The following FAM107B variants were observed in gnomAD, a reference collection of about 807,000 sequenced individuals.
FAM107B encodes the protein family with sequence similarity 107 member B, also known as protein FAM107B.
FAM107B carries 21 observed loss-of-function variants against 31.5 expected under a neutral mutation model. The ratio of observed to expected loss-of-function variants is 0.67; its 90% confidence interval spans 0.47 to 0.96. FAM107B has a LOEUF of 0.96. Ranked by LOEUF, FAM107B falls within the 40% of genes least tolerant of loss-of-function variation. The pLI, the probability that FAM107B is intolerant of heterozygous loss-of-function variation, is 0.00. For synonymous variants in FAM107B, 157 were observed against 141.5 expected (o/e 1.11, Z -0.78); for missense variants, 452 against 377.1 (o/e 1.20, Z -1.64).
chr10:14,711,267 A>G (rs1350039277), intron 1 of FAM107B, among the ~76,000 whole-genome samples: 1 of 152,202 alleles, frequency 6.6e-6, no homozygotes, highest in East Asian at 1.9e-4. Flanking sequence ...TAAAGGCTAC[A>G]GTAGTATGCA....
At chr10:14,612,041 G>A (rs1852740301) in intron 2 of FAM107B, among the ~76,000 whole-genome samples, 1 of 151,996 alleles carries the variant, frequency 6.6e-6, no homozygotes. Flanking sequence ...AAAAGTTCCA[G>A]CTTTAGTTGT....
chr10:14,773,659 T>TA (rs1833354884), intron 1 of FAM107B, among the ~76,000 whole-genome samples: 1 of 151,978 alleles, frequency 6.6e-6, no homozygotes, highest in African/African-American at 2.4e-5. Context: ...CCATTTTTTT[T>TA]AAATAACTTC....
chr10:14,550,667 C>T (rs558730863), intron 2 of FAM107B, among the ~76,000 whole-genome samples: 2 of 152,296 alleles, frequency 1.3e-5, no homozygotes, highest in East Asian at 1.9e-4. Flanking sequence ...AGTTGTCATG[C>T]TTTCATTTCT....
chr10:14,761,397 T>C (rs1418821814), intron 1 of FAM107B, among the ~76,000 whole-genome samples: 1 of 152,166 alleles, frequency 6.6e-6, no homozygotes, highest in Non-Finnish European at 1.5e-5. Context: ...AAAGTACCCA[T>C]ACAGTTATAC....
At chr10:14,644,035 G>T (rs1853695407) in intron 2 of FAM107B, among the ~76,000 whole-genome samples, 1 of 152,176 alleles carries the variant, frequency 6.6e-6, no homozygotes, top group African/African-American at 2.4e-5. Context: ...AATGATACCA[G>T]TAATGAGAAG....
At chr10:14,649,000 T>C (rs1853834107) in intron 2 of FAM107B, among the ~76,000 whole-genome samples, 1 of 152,224 alleles carries the variant, frequency 6.6e-6, no homozygotes, top group South Asian at 2.1e-4. Flanking sequence ...ATGGTAGGTT[T>C]CATTCGTAAG....
intron 1 of FAM107B, among the ~76,000 whole-genome samples, chr10:14,767,089 GAGAGAGAGAGAC>G (rs1245055692): frequency 8.9e-5 from 10 of 112,534 alleles, no homozygotes; most frequent in South Asian, 2.9e-4. Flanking sequence ...GAGAGAGAGA[GAGAGAGAGAGAC>G]AGAGAGAGAG....
At position 14,714,709 on chromosome 10, in the gene FAM107B, A is replaced by G. The variant is rs546350029; in HGVS notation, c.412-47018T>C. On this transcript the variant is annotated intron_variant, in intron 1 of 4. Coordinates refer to ENST00000181796, the MANE Select transcript of FAM107B (RefSeq NM_031453.4). ...ACCTGAAAAACTGAGCACTCTTCCA[A>G]AGAAACTGCCCTAAAAGGGATGACT... 5.9e-5 allele frequency among the ~76,000 whole-genome samples: 9 copies of G among 152,334 alleles called. No individual in the cohort carries two copies. The South Asian group carries it at 1.5e-3, about 25-fold the overall frequency.
rs114659976 is a variant in FAM107B at position 14,734,639 on chromosome 10, G to T, written c.411+39614C>A. ...ACCAGTGATTACTAAGAATGAGCAG[G>T]ACCTGTGCTCCAGAACTTAGGGCAC... On this transcript the variant is annotated intron_variant, in intron 1 of 4. Transcript: ENST00000181796. Among the ~76,000 whole-genome samples, 1,234 of 152,164 alleles carry T rather than the reference G, an allele frequency of 8.1e-3. 14 individuals are homozygous for T. The highest frequency in any genetic ancestry group is 0.027 in the African/African-American group (1,126 of 41,488).
chr10:14,569,726 T>C (rs1038584612), intron 2 of FAM107B, among the ~76,000 whole-genome samples: 3 of 152,144 alleles, frequency 2.0e-5, no homozygotes, highest in Non-Finnish European at 2.9e-5. Flanking sequence ...AAACCAAGGT[T>C]CCTCTGTCTC....
intron 2 of FAM107B, among the ~76,000 whole-genome samples, chr10:14,539,413 TC>T (rs1221434187): frequency 2.0e-5 from 3 of 152,100 alleles, no homozygotes; most frequent in Admixed American, 2.0e-4. Flanking sequence ...GCCTTGTACC[TC>T]CCCAAAGTCT....
At chr10:14,587,955 T>C (rs1851896638) in intron 2 of FAM107B, among the ~76,000 whole-genome samples, 1 of 152,108 alleles carries the variant, frequency 6.6e-6, no homozygotes. Flanking sequence ...CATGGGACAA[T>C]TACCAGTGTG....
chr10:14,771,344 T>C (rs1285600819), intron 1 of FAM107B, among the ~76,000 whole-genome samples: 5 of 152,218 alleles, frequency 3.3e-5, no homozygotes, highest in Non-Finnish European at 5.9e-5. Flanking sequence ...AGTTATTGAA[T>C]ATCATTAAGA....
chr10:14,761,003 C>T (rs1381706268), intron 1 of FAM107B, among the ~76,000 whole-genome samples: 3 of 110,554 alleles, frequency 2.7e-5, no homozygotes, highest in African/African-American at 1.3e-4. Flanking sequence ...CAGAGCAAGA[C>T]TCCGTTTCAA....
Position 14,519,307 on chromosome 10 carries a change from G to A in FAM107B, c.*1883C>T, listed in dbSNP as rs1279344450. ...GATTTCAAGATCTGACATCTAGTTA[G>A]ATAAAAAGATATGAGCCAGTCCCGA... On this transcript the variant is annotated 3_prime_UTR_variant, in exon 5 of 5. Transcript: ENST00000181796. The A allele has an allele frequency of 6.6e-6, 1 of 152,012 alleles. No individual in the cohort carries two copies. The highest frequency in any genetic ancestry group is 2.4e-5 in the African/African-American group (1 of 41,394). 9.4% of individuals were successfully genotyped at this position (152,012 alleles called of 1,614,324 possible). A position where few individuals can be genotyped will look rare whatever the true frequency, so the allele number is the denominator to read the frequency against.
At chr10:14,646,035 G>A (rs1174670005) in intron 2 of FAM107B, among the ~76,000 whole-genome samples, 1 of 151,964 alleles carries the variant, frequency 6.6e-6, no homozygotes, top group African/African-American at 2.4e-5. Flanking sequence ...TGCAAGGTTG[G>A]TTACTCTAAA....
At chr10:14,604,151 T>C in intron 2 of FAM107B, 4 of 570,142 alleles carry the variant, frequency 7.0e-6, no homozygotes, top group Non-Finnish European at 8.8e-6. Context: ...GCCGAGAGGG[T>C]CCCCGGAGCC....
At chr10:14,756,427 G>A (rs530347952) in intron 1 of FAM107B, among the ~76,000 whole-genome samples, 49 of 152,280 alleles carry the variant, frequency 3.2e-4, no homozygotes, top group African/African-American at 7.2e-4. Context: ...AGCCTTGATC[G>A]TGTGGGTGGG....
intron 2 of FAM107B, among the ~76,000 whole-genome samples, chr10:14,577,000 A>G (rs571907665): frequency 1.6e-4 from 24 of 152,342 alleles, no homozygotes; most frequent in African/African-American, 5.3e-4. Flanking sequence ...GGCTTTTTTG[A>G]TCAATAATTG....
Sources: gnomAD v4.1 joint callset for allele counts (sites outside exome capture counted in the v4.1 genomes callset) on GRCh38, gnomAD v4.1.1 for gene constraint, MANE v1.5 for transcripts, NCBI Gene and HGNC (gene_info 2026-07-23, HGNC 2026-07-21) for gene names.